TRAPPC9: variants seen among roughly 807,000 people sequenced by gnomAD.
TRAPPC9 encodes the protein trafficking protein particle complex subunit 9, also known as IKK2 binding protein.
Under a neutral mutation model 124.0 loss-of-function variants are expected in TRAPPC9, and 83 were observed. That is an observed-to-expected ratio of 0.67 (90% CI 0.56 to 0.80). The LOEUF (loss-of-function observed/expected upper bound fraction) is 0.80. Ranked by LOEUF, TRAPPC9 falls within the 30% of genes least tolerant of loss-of-function variation. TRAPPC9 has a pLI of 0.00. For synonymous variants in TRAPPC9, 638 were observed against 617.5 expected (o/e 1.03, Z -0.49); for missense variants, 1,302 against 1,508.3 (o/e 0.86, Z 2.27).
intron 9 of TRAPPC9, among the ~76,000 whole-genome samples, chr8:140,348,152 G>C (rs888052296): frequency 6.6e-6 from 1 of 152,240 alleles, no homozygotes; most frequent in Non-Finnish European, 1.5e-5. Context: ...CTGCTGTTCT[G>C]CCACTCACAG....
chr8:140,395,883 G>A (rs1228795270), intron 7 of TRAPPC9, among the ~76,000 whole-genome samples: 1 of 151,916 alleles, frequency 6.6e-6, no homozygotes, highest in Non-Finnish European at 1.5e-5. Context: ...TCGGAGCCCG[G>A]CCTGACCATC....
At chr8:140,342,450 G>C (rs1360355675) in intron 9 of TRAPPC9, among the ~76,000 whole-genome samples, 2 of 152,126 alleles carry the variant, frequency 1.3e-5, no homozygotes, top group Non-Finnish European at 2.9e-5. Flanking sequence ...TGTACTACAT[G>C]ATATTTATCT....
At chr8:139,919,664 T>C (rs939569595) in intron 19 of TRAPPC9, among the ~76,000 whole-genome samples, 3 of 152,218 alleles carry the variant, frequency 2.0e-5, no homozygotes, top group African/African-American at 4.8e-5. Flanking sequence ...CCTGTGTTCA[T>C]AGGTAACACT....
At chr8:139,863,636 A>G (rs969479248) in intron 21 of TRAPPC9, among the ~76,000 whole-genome samples, 3 of 152,234 alleles carry the variant, frequency 2.0e-5, no homozygotes, top group Non-Finnish European at 2.9e-5. Flanking sequence ...GGCATGGCTC[A>G]GCAGGCGTTC....
chr8:139,764,172 T>C (rs1299427077), intron 21 of TRAPPC9, among the ~76,000 whole-genome samples: 5 of 151,790 alleles, frequency 3.3e-5, no homozygotes, highest in Non-Finnish European at 7.4e-5. Flanking sequence ...ACTGTCTGGA[T>C]GGAGTGGTGG....
chr8:140,211,324 C>T (rs947801410), intron 17 of TRAPPC9, among the ~76,000 whole-genome samples: 4 of 152,096 alleles, frequency 2.6e-5, no homozygotes, highest in African/African-American at 7.2e-5. Flanking sequence ...TTTGGTAGAC[C>T]GAGGCAGGTG....
intron 9 of TRAPPC9, among the ~76,000 whole-genome samples, chr8:140,342,746 T>C (rs1158562940): frequency 1.3e-5 from 2 of 152,112 alleles, no homozygotes; most frequent in African/African-American, 2.4e-5. Context: ...GAAAAACGCA[T>C]GTCAGGAATG....
chr8:140,242,192 C>G (rs565922416), intron 16 of TRAPPC9, among the ~76,000 whole-genome samples: 1 of 151,600 alleles, frequency 6.6e-6, no homozygotes, highest in Non-Finnish European at 1.5e-5. Flanking sequence ...TACATAGAGA[C>G]TTAGACACCA....
intron 19 of TRAPPC9, among the ~76,000 whole-genome samples, 165 bp from the exon 20 acceptor site, chr8:139,910,465 G>A (rs1351206154): frequency 6.6e-6 from 1 of 152,126 alleles, no homozygotes; most frequent in Non-Finnish European, 1.5e-5. Flanking sequence ...CTCCTAAGGT[G>A]GCCCTGACTT....
intron 7 of TRAPPC9, among the ~76,000 whole-genome samples, chr8:140,376,911 G>A (rs1255284654): frequency 2.0e-5 from 3 of 150,934 alleles, no homozygotes; most frequent in Non-Finnish European, 4.4e-5. Context: ...TTGGGAAGAA[G>A]ATGGATGGAG....
intron 5 of TRAPPC9, among the ~76,000 whole-genome samples, chr8:140,425,178 A>G (rs1245326798): frequency 6.6e-6 from 1 of 152,270 alleles, no homozygotes; most frequent in African/African-American, 2.4e-5. Context: ...AAGGTCCCCA[A>G]GAGCAGAGGC....
intron 21 of TRAPPC9, among the ~76,000 whole-genome samples, chr8:139,741,141 G>A (rs1437752858): frequency 2.0e-5 from 3 of 152,116 alleles, no homozygotes; most frequent in South Asian, 2.1e-4. Context: ...CCCCTTGGGC[G>A]TGACACTCCC....
At chr8:140,029,500 G>A (rs1437481476) in intron 17 of TRAPPC9, among the ~76,000 whole-genome samples, 2 of 152,078 alleles carry the variant, frequency 1.3e-5, no homozygotes, top group African/African-American at 4.8e-5. Context: ...GCAAGACTCT[G>A]TCTCTGAAAA....
intron 21 of TRAPPC9, among the ~76,000 whole-genome samples, chr8:139,815,389 A>G (rs916758813): frequency 1.5e-5 from 2 of 136,590 alleles, no homozygotes; most frequent in South Asian, 2.3e-4. Context: ...CTCAGCATTC[A>G]TAACTTTTTT....
At chr8:140,249,931 C>G (rs990866521) in intron 16 of TRAPPC9, among the ~76,000 whole-genome samples, 4 of 152,116 alleles carry the variant, frequency 2.6e-5, no homozygotes, top group African/African-American at 9.7e-5. Context: ...TTAAATGCTT[C>G]TGCATTTATT....
intron 19 of TRAPPC9, among the ~76,000 whole-genome samples, chr8:139,937,855 C>T (rs1833635543): frequency 1.3e-5 from 2 of 152,178 alleles, no homozygotes; most frequent in Non-Finnish European, 1.5e-5. Context: ...CGCTGAGCAG[C>T]TGCCACCAGG....
chr8:140,414,380 A>C (rs1449983837), intron 5 of TRAPPC9, among the ~76,000 whole-genome samples: 1 of 152,288 alleles, frequency 6.6e-6, no homozygotes, highest in Non-Finnish European at 1.5e-5. Context: ...CAAAAAATCT[A>C]AAACTTAACC....
At chr8:140,171,900 C>T (rs943016408) in intron 17 of TRAPPC9, among the ~76,000 whole-genome samples, 4 of 152,146 alleles carry the variant, frequency 2.6e-5, no homozygotes, top group South Asian at 2.1e-4. Context: ...GGTCACCATT[C>T]GGAACATAAG....
chr8:140,456,824 G>A (rs1002109709), intron 1 of TRAPPC9: 4 of 985,260 alleles, frequency 4.1e-6, no homozygotes, highest in Non-Finnish European at 4.8e-6. Flanking sequence ...TGCTTCCAGC[G>A]TTTTAATTCC....
Sources: gnomAD v4.1 joint callset for allele counts (sites outside exome capture counted in the v4.1 genomes callset) on GRCh38, gnomAD v4.1.1 for gene constraint, MANE v1.5 for transcripts, NCBI Gene and HGNC (gene_info 2026-07-23, HGNC 2026-07-21) for gene names.